The following CCDC92B variants were observed in gnomAD, a reference collection of about 807,000 sequenced individuals.
The protein encoded by CCDC92B is coiled-coil domain containing 92B.
A neutral mutation model predicts 5.6 loss-of-function variants in CCDC92B; 2 were observed. The observed-to-expected ratio is 0.36, with a 90% CI of 0.15 to 1.12. CCDC92B has a LOEUF of 1.12. CCDC92B is among the 50% of genes most tolerant of loss of function. CCDC92B has a pLI of 0.40. For missense variants in CCDC92B, 271 were observed against 262.2 expected (o/e 1.03, Z -0.23); for synonymous variants, 115 against 122.3 (o/e 0.94, Z 0.39).
At chr17:2,743,055 C>T (rs538148027) in intron 1 of CCDC92B, among the ~76,000 whole-genome samples, 1 of 152,336 alleles carries the variant, frequency 6.6e-6, no homozygotes, top group Non-Finnish European at 1.5e-5. Flanking sequence ...TTCTGGTGTA[C>T]CATTGCAGTA....
intron 1 of CCDC92B, among the ~76,000 whole-genome samples, chr17:2,747,505 T>C (rs1008375192): frequency 6.6e-6 from 1 of 152,150 alleles, no homozygotes; most frequent in African/African-American, 2.4e-5. Flanking sequence ...CTGGGGCAGA[T>C]CACCTGAGGT....
intron 2 of CCDC92B, among the ~76,000 whole-genome samples, chr17:2,732,168 C>T (rs975147434): frequency 5.3e-5 from 8 of 152,328 alleles, no homozygotes; most frequent in South Asian, 2.1e-4. Context: ...CACCCCAGAA[C>T]GTACCCACCT....
chr17:2,724,673 C>G lies in CCDC92B; in HGVS notation c.506G>C (p.Arg169Pro). The part of the protein sequence containing the change: ...GATAEPRPRR[R>P]ALRARRPPAA... ...AGGCGGGCGGCGGGCTCGCAGTGCG[C>G]GGCGGCGTGGCCTGGGCTCGGCGGT... The change falls in exon 4 of 4, where the codon CGC becomes CCC. Residue 169 changes from arginine (R) to proline (P), a missense_variant. Transcript: ENST00000614400. This position sits in a 1 kb window ranked among gnomAD's most constrained non-coding sequence, Gnocchi z 5.0. 1 of 981,628 alleles carries G rather than the reference C, an allele frequency of 1.0e-6. No individual in the cohort carries two copies. Among genetic ancestry groups the G allele is most frequent in the Non-Finnish European group, 1.2e-6 (1 of 828,230 alleles). 60.8% of individuals were successfully genotyped at this position (981,628 alleles called of 1,614,324 possible). A position where few individuals can be genotyped will look rare whatever the true frequency, so the allele number is the denominator to read the frequency against.
chr17:2,724,141 A>G lies in CCDC92B; in HGVS notation c.*270T>C. On this transcript the variant is annotated 3_prime_UTR_variant, in exon 4 of 4. Coordinates refer to ENST00000614400, the MANE Select transcript of CCDC92B (RefSeq NM_001355573.2). This position sits in a 1 kb window ranked among gnomAD's most constrained non-coding sequence, Gnocchi z 5.0. Reference sequence around the variant, plus strand: ...CACAGGCAGGTGGGACCAGGCCAGGATCGGGACGGCGAGTCCTCTCGGTAG... The same window carrying G: ...CACAGGCAGGTGGGACCAGGCCAGGGTCGGGACGGCGAGTCCTCTCGGTAG... 1.0e-6 allele frequency: 1 copy of G among 984,916 alleles called. No individual in the cohort carries two copies. Among genetic ancestry groups the G allele is most frequent in the Non-Finnish European group, 1.2e-6 (1 of 829,794 alleles). 61.0% of individuals were successfully genotyped at this position (984,916 alleles called of 1,614,324 possible).
chr17:2,732,913 T>C (rs1209484295), intron 2 of CCDC92B, among the ~76,000 whole-genome samples: 5 of 151,676 alleles, frequency 3.3e-5, no homozygotes, highest in Admixed American at 3.3e-4. Flanking sequence ...CTCGGGAGGC[T>C]GAGGCAGGAG....
intron 2 of CCDC92B, among the ~76,000 whole-genome samples, chr17:2,732,786 G>A (rs1251940381): frequency 1.3e-5 from 2 of 151,670 alleles, no homozygotes; most frequent in East Asian, 1.9e-4. Flanking sequence ...GGCCGAGGTG[G>A]GCGGATCACG....
chr17:2,748,623 G>A lies in CCDC92B; in HGVS notation c.-24+788C>T, dbSNP rs544363624. ...CTTTGTCTCTGGGAATCTCTTGCAA[G>A]GAACAGGCCCACAATGAATGCTGCT... is the stretch of plus-strand genomic sequence containing the variant. On this transcript the variant is annotated intron_variant, in intron 1 of 3. Transcript: ENST00000614400. 13 of 983,254 alleles carry A rather than the reference G, an allele frequency of 1.3e-5. No individual in the cohort carries two copies. The South Asian group carries it at 5.6e-4, about 43-fold the overall frequency. The allele number at this position is 983,254 out of a possible 1,614,324, so 60.9% of individuals were successfully genotyped here.
chr17:2,726,180 ATATT>A (rs148737308), intron 3 of CCDC92B, among the ~76,000 whole-genome samples: 9,741 of 33,454 alleles, frequency 0.29, 374 homozygotes, highest in Non-Finnish European at 0.49. Flanking sequence ...ATATATATAT[ATATT>A]TTTTTTTTTT....
rs564852197 is a variant in CCDC92B, at chr17:2,731,285, C to T, written c.131-792G>A. ...CCCCCCAGTCTCCATTCCTTAGTGT[C>T]CCCCAAGCCCCATTTCTCAGCCCAG... On this transcript the variant is annotated intron_variant, in intron 2 of 3. Transcript: ENST00000614400. Among the ~76,000 whole-genome samples the T allele has an allele frequency of 3.9e-5, 6 of 152,204 alleles. No individual in the cohort carries two copies. In the East Asian group the frequency reaches 7.7e-4, roughly 20 times the overall value.
At position 2,732,951 on chromosome 17, in the gene CCDC92B, T is replaced by G. The variant is rs527660478; in HGVS notation, c.130+2065A>C. Among the ~76,000 whole-genome samples, 6 of 151,510 alleles carry G rather than the reference T, an allele frequency of 4.0e-5. No individual in the cohort carries two copies. The East Asian group carries it at 1.2e-3, about 30-fold the overall frequency. The stretch of plus-strand genomic sequence containing the variant: ...TGGTGTGAACCTGGGAGGCGGAGCT[T>G]GCAGTGAGCCGAGATCACGCCACTG... On this transcript the variant is annotated intron_variant, in intron 2 of 3. Transcript: ENST00000614400.
intron 1 of CCDC92B, among the ~76,000 whole-genome samples, chr17:2,743,379 C>A (rs187372750): frequency 3.3e-5 from 5 of 151,848 alleles, no homozygotes; most frequent in Non-Finnish European, 5.9e-5. Context: ...TGCAGTGAGC[C>A]GAGATCTCAC....
chr17:2,735,781 G>A (rs2070851597), intron 1 of CCDC92B, among the ~76,000 whole-genome samples: 2 of 152,220 alleles, frequency 1.3e-5, no homozygotes, highest in South Asian at 4.1e-4. Flanking sequence ...CAAATGGAGT[G>A]GCAAAGTCAG....
In CCDC92B at chr17:2,742,035, A is replaced by G. The variant is rs114937073; in HGVS notation, c.-23-6867T>C. On this transcript the variant is annotated intron_variant, in intron 1 of 3. Coordinates refer to ENST00000614400, the MANE Select transcript of CCDC92B (RefSeq NM_001355573.2). ...ATATTAAGTAAATTTGGAAGTTCTTAAAGGATTTTAAGCAGTGGAAGAACA... is the reference window on the plus strand; with the variant it reads ...ATATTAAGTAAATTTGGAAGTTCTTGAAGGATTTTAAGCAGTGGAAGAACA... Among the ~76,000 whole-genome samples the G allele has an allele frequency of 1.0e-2, 1,505 of 151,114 alleles. 34 individuals carry two copies. Among genetic ancestry groups the G allele is most frequent in the African/African-American group, 0.034 (1,394 of 40,946 alleles).
intron 1 of CCDC92B, among the ~76,000 whole-genome samples, chr17:2,736,255 C>T (rs947454740): frequency 1.3e-5 from 2 of 151,732 alleles, no homozygotes; most frequent in Non-Finnish European, 2.9e-5. Flanking sequence ...GGTGAAACCC[C>T]GTCTCTACTC....
chr17:2,731,890 C>A (rs1266193236), intron 2 of CCDC92B, among the ~76,000 whole-genome samples: 3 of 152,238 alleles, frequency 2.0e-5, no homozygotes, highest in Non-Finnish European at 2.9e-5. Flanking sequence ...TCTCTTCAGC[C>A]TTTCAACACA....
At chr17:2,738,857 G>T (rs1460223112) in intron 1 of CCDC92B, among the ~76,000 whole-genome samples, 1 of 150,708 alleles carries the variant, frequency 6.6e-6, no homozygotes, top group Non-Finnish European at 1.5e-5. Context: ...GATCACCTGA[G>T]GTCAGGAGTT....
intron 1 of CCDC92B, among the ~76,000 whole-genome samples, chr17:2,744,782 C>T (rs965446405): frequency 6.6e-6 from 1 of 152,074 alleles, no homozygotes; most frequent in African/African-American, 2.4e-5. Flanking sequence ...CTGGTGCAAC[C>T]AGGCTCAGTG....
chr17:2,745,277 G>A (rs535939623), intron 1 of CCDC92B, among the ~76,000 whole-genome samples: 2 of 152,014 alleles, frequency 1.3e-5, no homozygotes, highest in African/African-American at 2.4e-5. Context: ...TCTGCTGTGC[G>A]CACATCTGGA....
intron 1 of CCDC92B, among the ~76,000 whole-genome samples, chr17:2,743,486 A>G (rs574656352): frequency 8.9e-4 from 135 of 152,240 alleles, no homozygotes; most frequent in Non-Finnish European, 1.8e-3. Context: ...ACCCCACTCA[A>G]AATCCTCTGT....
Sources: allele counts gnomAD v4.1 joint callset (sites outside exome capture counted in the v4.1 genomes callset), GRCh38; gene constraint gnomAD v4.1.1; non-coding constraint Gnocchi (gnomAD v3.1); transcripts MANE v1.5; gene names NCBI Gene and HGNC (gene_info 2026-07-23, HGNC 2026-07-21).